Variants in EYS observed in about 807,000 individuals in gnomAD.
The protein encoded by EYS is EGF-like photoreceptor maintenance factor.
In EYS, 250 loss-of-function variants were observed where a neutral mutation model predicts 282.1. The ratio of observed to expected loss-of-function variants is 0.89; its 90% CI spans 0.80 to 0.98. EYS has a LOEUF of 0.98. Among genes scored for constraint, EYS ranks in the 50% least tolerant of loss-of-function variants. The pLI is 0.00. For synonymous variants in EYS, 1,355 were observed against 1,282.9 expected (o/e 1.06, Z -1.20); for missense variants, 4,016 against 3,709.0 (o/e 1.08, Z -2.15).
At chr6:65,335,283 C>T in intron 10 of EYS, 137 bp from the exon 11 acceptor site, 2 of 713,672 alleles carry the variant, frequency 2.8e-6, no homozygotes, top group South Asian at 3.1e-5. Flanking sequence ...CAGAAGGTAA[C>T]TATTGGACAA....
rs1583175740 is a variant in EYS at position 64,804,760 on chromosome 6, T to C, written c.3443+8618A>G. Among the ~76,000 whole-genome samples, 4 of 152,162 alleles carry C rather than the reference T, an allele frequency of 2.6e-5. No homozygotes were observed. The South Asian group carries it at 6.2e-4, about 24-fold the overall frequency. ...AGGAATTTGAATATATCTGTGTATT[T>C]ATATTTTCTGTGAAATAGTCACAAA... On this transcript the variant is annotated intron_variant, in intron 22 of 42. Coordinates refer to ENST00000503581, the MANE Select transcript of EYS (RefSeq NM_001142800.2).
rs377222223 is a variant in EYS at position 64,570,822 on chromosome 6, T to C, written c.5644+19401A>G. 7.9e-5 allele frequency among the ~76,000 whole-genome samples: 12 copies of C among 152,156 alleles called. 2 individuals carry two copies. Among genetic ancestry groups the C allele is most frequent in the African/African-American group, 2.6e-4 (11 of 41,514 alleles). On this transcript the variant is annotated intron_variant, in intron 26 of 42. Transcript: ENST00000503581. ...ACCTAAAAAGAGACTTAGACTCCCA[T>C]ACAATAATGGTGGGAGATTTTAACA...
intron 28 of EYS, among the ~76,000 whole-genome samples, chr6:64,410,130 G>T (rs1773840945): frequency 6.6e-6 from 1 of 151,986 alleles, no homozygotes; most frequent in African/African-American, 2.4e-5. Context: ...GAGATTCAGG[G>T]CATTTAACCA....
chr6:64,347,024 T>G (rs896305526), intron 29 of EYS, among the ~76,000 whole-genome samples: 1 of 151,382 alleles, frequency 6.6e-6, no homozygotes, highest in African/African-American at 2.4e-5. Flanking sequence ...TTTATAATCT[T>G]TAAAAACTAC....
chr6:65,226,512 A>G (rs1766630012), intron 12 of EYS, among the ~76,000 whole-genome samples: 1 of 152,188 alleles, frequency 6.6e-6, no homozygotes, highest in Admixed American at 6.5e-5. Flanking sequence ...AAACAAATAC[A>G]TAAAAATATA....
intron 1 of EYS, among the ~76,000 whole-genome samples, chr6:65,658,641 A>C (rs962404636): frequency 1.3e-5 from 2 of 151,730 alleles, no homozygotes; most frequent in Non-Finnish European, 3.0e-5. Context: ...GCTTAATGGA[A>C]ACATACTTAA....
At position 65,584,795 on chromosome 6, in the gene EYS, G is replaced by T. The variant is rs553986358; in HGVS notation, c.-333+54983C>A. On this transcript the variant is annotated intron_variant, in intron 2 of 42. Coordinates refer to ENST00000503581, the MANE Select transcript of EYS (RefSeq NM_001142800.2). ...ATAATCCATTTAAATCACTTCTAAA[G>T]CATGAATAATATATATGTCTTTTAC... Among the ~76,000 whole-genome samples, 6 of 150,986 alleles carry T rather than the reference G, an allele frequency of 4.0e-5. No homozygotes were observed. In the South Asian group the frequency reaches 1.0e-3, roughly 26 times the overall value.
rs1426665067 is a variant in EYS, at chr6:65,261,393, T to C, written c.2023+34470A>G. 3.3e-5 allele frequency among the ~76,000 whole-genome samples: 5 copies of C among 152,080 alleles called. No homozygotes were observed. In the South Asian group the frequency reaches 1.0e-3, roughly 32 times the overall value. On this transcript the variant is annotated intron_variant, in intron 12 of 42. Transcript: ENST00000503581. Reference sequence around the variant, plus strand: ...CAGAAAATAAGGAAAAATCCATATCTGTCTGGTGTGCATGTGTTTACCACT... The same window carrying C: ...CAGAAAATAAGGAAAAATCCATATCCGTCTGGTGTGCATGTGTTTACCACT...
At chr6:64,308,758 T>A (rs1769554817) in intron 29 of EYS, among the ~76,000 whole-genome samples, 2 of 152,054 alleles carry the variant, frequency 1.3e-5, no homozygotes, top group African/African-American at 4.8e-5. Context: ...TCAAATTTAC[T>A]GCAAAGACTC....
intron 29 of EYS, among the ~76,000 whole-genome samples, chr6:64,370,948 T>C (rs1011588513): frequency 5.9e-5 from 9 of 152,104 alleles, no homozygotes; most frequent in African/African-American, 2.2e-4. Flanking sequence ...TCTATCATAT[T>C]AATTCTTTCA....
In EYS at chr6:65,094,983, C is replaced by T. The variant is rs370580158; in HGVS notation, c.2024-37256G>A. Among the ~76,000 whole-genome samples the T allele has an allele frequency of 2.7e-5, 4 of 149,854 alleles. No individual in the cohort carries two copies. The South Asian group carries it at 6.3e-4, about 24-fold the overall frequency. On this transcript the variant is annotated intron_variant, in intron 12 of 42. Transcript: ENST00000503581. ...ACATGAACTAAGAAGAGAGACTACT[C>T]AAAATAAAAAAAATAGGAGATATTA...
chr6:64,325,066 G>C (rs1178606717), intron 29 of EYS, among the ~76,000 whole-genome samples: 1 of 152,090 alleles, frequency 6.6e-6, no homozygotes, highest in East Asian at 1.9e-4. Context: ...TATTCCTATC[G>C]AACTACCAAA....
At chr6:65,428,954 A>G (rs9351492) in intron 5 of EYS, among the ~76,000 whole-genome samples, 77,931 of 151,838 alleles carry the variant, frequency 0.51, 20,274 homozygotes, top group South Asian at 0.61. Flanking sequence ...AGGCCGAGGC[A>G]GGCAGATCAC....
rs148644408 is a variant in EYS at position 65,372,516 on chromosome 6, C to T, written c.1299+11870G>A. ...CAAACATTTTTAAATGTATTGGATG[C>T]CATTTATTTATATAAACATGAAAAT... On this transcript the variant is annotated intron_variant, in intron 8 of 42. Transcript: ENST00000503581. 2.7e-4 allele frequency among the ~76,000 whole-genome samples: 41 copies of T among 151,906 alleles called. No individual in the cohort carries two copies. In the East Asian group the frequency reaches 7.7e-3, roughly 29 times the overall value.
chr6:63,984,437 C>T lies in EYS; in HGVS notation c.7001G>A (p.Cys2334Tyr), dbSNP rs757589404. 1 of 1,549,652 alleles carries T rather than the reference C, an allele frequency of 6.5e-7. No homozygotes were observed. The highest frequency in any genetic ancestry group is 1.2e-5 in the South Asian group (1 of 84,044). Residue 2334 changes from cysteine (C) to tyrosine (Y), a missense_variant, in exon 35 of 43, where the codon TGC becomes TAC. Transcript: ENST00000503581. Reference protein sequence around the residue: ...EARHGKNIENCHVPWCAHHLC... With the variant: ...EARHGKNIENYHVPWCAHHLC... ...ATGATGAGCACACCAAGGGACGTGG[C>T]AGTTCTCAATATTCTTTCCATGTCG...
At chr6:65,662,466 A>G (rs1330980881) in intron 1 of EYS, among the ~76,000 whole-genome samples, 3 of 152,186 alleles carry the variant, frequency 2.0e-5, no homozygotes, top group Admixed American at 1.3e-4. Flanking sequence ...TCGATGTTAA[A>G]TAAAAAACAA....
intron 2 of EYS, among the ~76,000 whole-genome samples, chr6:65,568,771 T>C (rs1238748867): frequency 1.3e-5 from 2 of 152,144 alleles, no homozygotes; most frequent in African/African-American, 2.4e-5. Flanking sequence ...TTGACAAAAG[T>C]TACTCATGAC....
chr6:63,881,473 AACT>A (rs1406029338), intron 35 of EYS, among the ~76,000 whole-genome samples: 1 of 152,188 alleles, frequency 6.6e-6, no homozygotes, highest in Non-Finnish European at 1.5e-5. Flanking sequence ...TATTGGTCTG[AACT>A]ATTTCCTGGT....
chr6:65,052,025 T>C (rs1239618967), intron 13 of EYS, among the ~76,000 whole-genome samples: 3 of 151,680 alleles, frequency 2.0e-5, no homozygotes, highest in African/African-American at 7.2e-5. Context: ...AACATTTACA[T>C]GGTAGGCAGT....
Sources: gnomAD v4.1 joint callset for allele counts (sites outside exome capture counted in the v4.1 genomes callset) on GRCh38, gnomAD v4.1.1 for gene constraint, MANE v1.5 for transcripts, NCBI Gene and HGNC (gene_info 2026-07-23, HGNC 2026-07-21) for gene names.